ARHGEF3: variants seen among roughly 807,000 people sequenced by gnomAD.
ARHGEF3 encodes 59.8 kDA protein.
ARHGEF3 carries 28 observed loss-of-function variants against 63.2 expected under a neutral mutation model. That is an observed-to-expected ratio of 0.44 (90% CI 0.33 to 0.61). The LOEUF (loss-of-function observed/expected upper bound fraction) is 0.61, where lower values mean the gene tolerates loss of function less well. ARHGEF3 is among the 20% of genes least tolerant of loss of function. The pLI, the probability that ARHGEF3 is intolerant of heterozygous loss-of-function variation, is 0.03. For synonymous variants in ARHGEF3, 266 were observed against 254.2 expected (o/e 1.05, Z -0.44); for missense variants, 533 against 659.3 (o/e 0.81, Z 2.10).
At chr3:57,012,443 G>C (rs1207154471) in intron 2 of ARHGEF3, among the ~76,000 whole-genome samples, 1 of 152,146 alleles carries the variant, frequency 6.6e-6, no homozygotes, top group Non-Finnish European at 1.5e-5. Context: ...ATTTTTAGTA[G>C]CGACGGGGTT....
At chr3:56,890,540 G>A (rs2041085468) in intron 3 of ARHGEF3, among the ~76,000 whole-genome samples, 1 of 152,202 alleles carries the variant, frequency 6.6e-6, no homozygotes, top group South Asian at 2.1e-4. Flanking sequence ...GAGTCAGGCA[G>A]GGAGGGTATT....
At chr3:57,003,995 C>T (rs1024464499) in intron 2 of ARHGEF3, among the ~76,000 whole-genome samples, 1 of 152,222 alleles carries the variant, frequency 6.6e-6, no homozygotes, top group South Asian at 2.1e-4. Context: ...TAATTTGTTA[C>T]AGCAGCCACT....
intron 2 of ARHGEF3, chr3:56,975,965 AATTTAAAAC>A (rs1337315409): frequency 4.3e-6 from 1 of 232,554 alleles, no homozygotes; most frequent in Non-Finnish European, 8.7e-6. Flanking sequence ...GGGTAATTTC[AATTTAAAAC>A]ATTTAATGGC....
At chr3:56,983,339 T>C (rs1458712219) in intron 2 of ARHGEF3, among the ~76,000 whole-genome samples, 1 of 152,150 alleles carries the variant, frequency 6.6e-6, no homozygotes, top group Non-Finnish European at 1.5e-5. Flanking sequence ...AGATGGACCA[T>C]GGGCTCTTGG....
chr3:56,986,184 G>A lies in ARHGEF3; in HGVS notation c.63-27295C>T, dbSNP rs537216485. 2.6e-5 allele frequency among the ~76,000 whole-genome samples: 4 copies of A among 152,276 alleles called. No individual in the cohort carries two copies. The East Asian group carries it at 7.7e-4, about 29-fold the overall frequency. ...CCACAAACTACCAGCAACCTAAAGA[G>A]CCCAACAAAAAATCAGGAAGTGCAG... On this transcript the variant is annotated intron_variant, in intron 2 of 12. Transcript: ENST00000338458.
At chr3:56,802,063 G>T, upstream of ARHGEF3, 3 of 1,289,738 alleles carry the variant, frequency 2.3e-6, no homozygotes, top group Non-Finnish European at 3.0e-6. Flanking sequence ...ACGTGCCGCA[G>T]CGCGGACACC....
intron 1 of ARHGEF3, 88 bp from the exon 2 acceptor site, chr3:56,773,904 C>T: frequency 9.2e-7 from 1 of 1,083,638 alleles, no homozygotes; most frequent in Non-Finnish European, 1.3e-6. Context: ...TTCCACTCCA[C>T]AAGGTACTGG....
At chr3:57,075,009 T>C (rs913010415) in intron 1 of ARHGEF3, 6 of 167,356 alleles carry the variant, frequency 3.6e-5, no homozygotes, top group Middle Eastern at 3.4e-3. Context: ...TGCAGTGAGA[T>C]AGACCATGTC....
At chr3:57,011,203 T>G (rs1702686809) in intron 2 of ARHGEF3, among the ~76,000 whole-genome samples, 1 of 152,060 alleles carries the variant, frequency 6.6e-6, no homozygotes, top group South Asian at 2.1e-4. Flanking sequence ...AACAAAGACG[T>G]TTTTGGCACA....
intron 2 of ARHGEF3, among the ~76,000 whole-genome samples, chr3:57,028,232 C>T (rs13077608): frequency 0.11 from 15,013 of 136,610 alleles, 1,131 homozygotes; most frequent in Non-Finnish European, 0.16. Flanking sequence ...GCTATAAAGA[C>T]ACATGCACAC....
chr3:56,862,020 C>T (rs979319072), intron 4 of ARHGEF3, among the ~76,000 whole-genome samples: 37 of 152,290 alleles, frequency 2.4e-4, no homozygotes, highest in African/African-American at 8.4e-4. Flanking sequence ...GGGGTTATCT[C>T]TGGCCAATCT....
At chr3:56,910,215 A>G (rs978838949) in intron 3 of ARHGEF3, among the ~76,000 whole-genome samples, 1 of 152,108 alleles carries the variant, frequency 6.6e-6, no homozygotes, top group Non-Finnish European at 1.5e-5. Flanking sequence ...AAATTAGGTC[A>G]CTTTGTGTGT....
chr3:57,044,500 C>T (rs962164986), intron 1 of ARHGEF3, among the ~76,000 whole-genome samples: 4 of 152,202 alleles, frequency 2.6e-5, no homozygotes, highest in Admixed American at 2.6e-4. Flanking sequence ...ATGCAACAGG[C>T]TAATGACAGC....
At position 56,729,706 on chromosome 3, in the gene ARHGEF3, C is replaced by A. The variant is rs2032984170; in HGVS notation, c.1229-84G>T. On this transcript the variant is annotated intron_variant, in intron 9 of 9. Transcript: ENST00000296315. ...AGAGAACACACGTAGTGACACTAAA[C>A]CCCAGAATCCATGGCAGGTATTGCT... 4 of 1,145,786 alleles carry A rather than the reference C, an allele frequency of 3.5e-6. No individual in the cohort carries two copies. The South Asian group carries it at 4.5e-5, about 13-fold the overall frequency. 71.0% of individuals were successfully genotyped at this position (1,145,786 alleles called of 1,614,324 possible). A position where few individuals can be genotyped will look rare whatever the true frequency, so the allele number is the denominator to read the frequency against.
intron 2 of ARHGEF3, among the ~76,000 whole-genome samples, chr3:56,991,197 G>A (rs1220835498): frequency 6.6e-6 from 1 of 152,102 alleles, no homozygotes; most frequent in African/African-American, 2.4e-5. Context: ...GAAGGCTGAG[G>A]TTCAACTTCC....
intron 3 of ARHGEF3, among the ~76,000 whole-genome samples, chr3:56,932,274 G>A (rs1035901497): frequency 8.6e-5 from 13 of 151,974 alleles, no homozygotes; most frequent in Admixed American, 3.3e-4. Context: ...CCATAGAAAC[G>A]TACGAAAGTC....
chr3:56,769,768 A>C (rs1464423361), intron 2 of ARHGEF3, among the ~76,000 whole-genome samples: 1 of 152,342 alleles, frequency 6.6e-6, no homozygotes, highest in South Asian at 2.1e-4. Context: ...CATCTCTTCT[A>C]TAATTAAAAG....
In ARHGEF3 at chr3:56,851,472, A is replaced by G. The variant is rs527956692; in HGVS notation, c.192+30820T>C. ...AGAAATTTATTTCTTACAGTTCCGT[A>G]GGCTGAAAGAGTTCAAGCAATTCAC... On this transcript the variant is annotated intron_variant, in intron 4 of 12. Coordinates refer to the ARHGEF3 transcript ENST00000338458. Among the ~76,000 whole-genome samples the G allele has an allele frequency of 2.6e-5, 4 of 152,314 alleles. No individual in the cohort carries two copies. In the South Asian group the frequency reaches 8.3e-4, roughly 32 times the overall value.
chr3:57,066,339 G>A (rs1015282282), intron 1 of ARHGEF3, among the ~76,000 whole-genome samples: 19 of 150,726 alleles, frequency 1.3e-4, no homozygotes, highest in Non-Finnish European at 2.8e-4. Context: ...TTGGCTCACC[G>A]CAACCTCCGC....
Sources: gnomAD v4.1 joint callset for allele counts (sites outside exome capture counted in the v4.1 genomes callset) on GRCh38, gnomAD v4.1.1 for gene constraint, MANE v1.5 for transcripts, NCBI Gene and HGNC (gene_info 2026-07-23, HGNC 2026-07-21) for gene names.